Variants in SPIN1 observed in about 807,000 individuals in gnomAD.
SPIN1 encodes the protein spindlin-1.
In SPIN1, 3 loss-of-function variants were observed where a neutral mutation model predicts 26.0. That is an observed-to-expected ratio of 0.12 (90% confidence interval 0.05 to 0.30). The LOEUF (loss-of-function observed/expected upper bound fraction) is 0.30, where lower values mean the gene tolerates loss of function less well. SPIN1 is among the 10% of genes least tolerant of loss of function. The probability of loss-of-function intolerance (pLI) is 1.00; values close to 1 mark genes in which losing one functional copy is unlikely to be tolerated. For synonymous variants in SPIN1, 101 were observed against 116.5 expected (o/e 0.87, Z 0.86); for missense variants, 126 against 333.4 (o/e 0.38, Z 4.84).
chr9:88,426,330 A>G lies in SPIN1; in HGVS notation c.-158-52A>G, dbSNP rs143541836. ...TTTTATGTTTAATGGCTCACTAGGC[A>G]TAATTTTGCTCTCTTGATGCTCTAG... On this transcript the variant is annotated intron_variant, in intron 1 of 5. Transcript: ENST00000375859. 80 of 427,492 alleles carry G rather than the reference A, an allele frequency of 1.9e-4. No individual in the cohort carries two copies. The East Asian group carries it at 3.0e-3, about 16-fold the overall frequency. 26.5% of individuals were successfully genotyped at this position (427,492 alleles called of 1,614,324 possible). A position where few individuals can be genotyped will look rare whatever the true frequency, so the allele number is the denominator to read the frequency against.
intron 1 of SPIN1, among the ~76,000 whole-genome samples, chr9:88,399,180 C>T (rs547917751): frequency 7.9e-5 from 12 of 151,696 alleles, no homozygotes; most frequent in African/African-American, 2.7e-4. Context: ...TACAGGCGTG[C>T]GCCACCATGC....
rs10635542 is a variant in SPIN1 at position 88,414,030 on chromosome 9, CA to C, written c.-158-12339del. Among the ~76,000 whole-genome samples, 515 of 141,324 alleles carry C rather than the reference CA, an allele frequency of 3.6e-3. 3 individuals carry two copies. Among genetic ancestry groups the C allele is most frequent in the Admixed American group, 8.7e-3 (123 of 14,060 alleles). The allele number at this position is 141,324 out of a possible 152,430, so 92.7% of individuals were successfully genotyped here. A position where few individuals can be genotyped will look rare whatever the true frequency, so the allele number is the denominator to read the frequency against. ...GTCCAGTACTTATAGTTTATTATAGCAAAAAAAAAAAAATACAAATTAGGAC... is the reference window on the plus strand; with the variant it reads ...GTCCAGTACTTATAGTTTATTATAGCAAAAAAAAAAAATACAAATTAGGAC... On this transcript the variant is annotated intron_variant, in intron 1 of 5. Transcript: ENST00000375859.
At chr9:88,463,588 G>C (rs1216707785) in intron 4 of SPIN1, among the ~76,000 whole-genome samples, 2 of 152,176 alleles carry the variant, frequency 1.3e-5, no homozygotes, top group African/African-American at 4.8e-5. Context: ...TTTTTCTTCA[G>C]ACTGTGCCAT....
At chr9:88,398,049 C>T (rs1023567867) in intron 1 of SPIN1, among the ~76,000 whole-genome samples, 6 of 149,898 alleles carry the variant, frequency 4.0e-5, no homozygotes, top group East Asian at 4.0e-4. Context: ...CAGCCTCCCG[C>T]GTAGCTGAGA....
chr9:88,442,899 A>G (rs943567570), intron 2 of SPIN1, among the ~76,000 whole-genome samples: 2 of 151,744 alleles, frequency 1.3e-5, no homozygotes, highest in Non-Finnish European at 1.5e-5. Flanking sequence ...AGGCGGGCAA[A>G]TCACGAGGTC....
intron 3 of SPIN1, among the ~76,000 whole-genome samples, chr9:88,459,932 T>C (rs937867837): frequency 1.3e-5 from 2 of 152,246 alleles, no homozygotes; most frequent in African/African-American, 2.4e-5. Flanking sequence ...CTCTGTTGCC[T>C]TCTGGCATAG....
At chr9:88,436,948 G>T (rs868074795) in intron 2 of SPIN1, among the ~76,000 whole-genome samples, 1 of 151,302 alleles carries the variant, frequency 6.6e-6, no homozygotes, top group African/African-American at 2.4e-5. Flanking sequence ...TGTATTTTTA[G>T]TAGAGACGGG....
At chr9:88,448,380 C>G (rs770418359) in intron 2 of SPIN1, among the ~76,000 whole-genome samples, 6 of 152,064 alleles carry the variant, frequency 3.9e-5, no homozygotes, top group Non-Finnish European at 5.9e-5. Context: ...GAGACAAGGT[C>G]TTGCTCTGTC....
chr9:88,413,065 G>GTTT (rs148350918), intron 1 of SPIN1, among the ~76,000 whole-genome samples: 11 of 128,034 alleles, frequency 8.6e-5, no homozygotes, highest in Admixed American at 3.2e-4. Flanking sequence ...TTAAAATTAA[G>GTTT]TTTTTTTTTT....
chr9:88,449,195 C>T (rs1828310357), intron 3 of SPIN1, among the ~76,000 whole-genome samples: 1 of 151,882 alleles, frequency 6.6e-6, no homozygotes, highest in South Asian at 2.1e-4. Flanking sequence ...CAGGTCTACC[C>T]TTCAGCCTTT....
At chr9:88,446,675 T>C (rs1828258393) in intron 2 of SPIN1, among the ~76,000 whole-genome samples, 1 of 152,200 alleles carries the variant, frequency 6.6e-6, no homozygotes, top group African/African-American at 2.4e-5. Context: ...CCCAAAGTGC[T>C]GGGATTACAG....
At chr9:88,461,481 A>C (rs1281383452) in intron 3 of SPIN1, among the ~76,000 whole-genome samples, 2 of 152,218 alleles carry the variant, frequency 1.3e-5, no homozygotes, top group South Asian at 2.1e-4. Context: ...ACCAGTCTAG[A>C]GTAAATTATT....
chr9:88,467,866 A>C (rs1390558783), intron 4 of SPIN1, among the ~76,000 whole-genome samples: 4 of 151,542 alleles, frequency 2.6e-5, no homozygotes, highest in Non-Finnish European at 5.9e-5. Flanking sequence ...AACAAAAAAA[A>C]AACCCTCTGT....
chr9:88,464,885 C>T (rs1023516171), intron 4 of SPIN1, among the ~76,000 whole-genome samples: 9 of 152,174 alleles, frequency 5.9e-5, no homozygotes, highest in African/African-American at 2.2e-4. Flanking sequence ...CTGAAACTCT[C>T]TACCTATTAA....
At chr9:88,467,975 A>G (rs1221591894) in intron 4 of SPIN1, among the ~76,000 whole-genome samples, 4 of 152,136 alleles carry the variant, frequency 2.6e-5, no homozygotes, top group South Asian at 4.1e-4. Context: ...GAACTCTACT[A>G]TTTTTCCAGT....
intron 1 of SPIN1, chr9:88,391,908 T>G (rs957465379): frequency 2.6e-5 from 4 of 152,190 alleles, no homozygotes; most frequent in Non-Finnish European, 5.9e-5. Context: ...GCTCTCAAAT[T>G]GCTACAAGGT....
intron 1 of SPIN1, among the ~76,000 whole-genome samples, chr9:88,406,650 A>G (rs994636494): frequency 2.0e-5 from 3 of 152,162 alleles, no homozygotes; most frequent in Admixed American, 6.6e-5. Flanking sequence ...GCATCTGTCT[A>G]TTGGCATTTG....
Position 88,468,529 on chromosome 9 carries a change from G to A in SPIN1, c.513G>A (p.Glu171=), listed in dbSNP as rs1828715928. ...VMNTWFYITY[E]KDPVLYMYQL... is the part of the protein sequence containing the mutation. The stretch of plus-strand genomic sequence containing the variant: ...ACACATGGTTTTACATTACCTATGA[G>A]AAAGACCCTGTCTTGTACATGTACC... The change falls in exon 5 of 6, where the codon GAG becomes GAA. Residue 171 remains glutamate, a synonymous_variant. Coordinates refer to ENST00000375859, the MANE Select transcript of SPIN1 (RefSeq NM_006717.3). 6.2e-7 allele frequency: 1 copy of A among 1,612,864 alleles called. No homozygotes were observed. Among genetic ancestry groups the A allele is most frequent in the African/African-American group, 1.3e-5 (1 of 74,932 alleles).
intron 1 of SPIN1, among the ~76,000 whole-genome samples, chr9:88,409,056 C>G (rs1037735431): frequency 6.6e-6 from 1 of 150,416 alleles, no homozygotes; most frequent in African/African-American, 2.5e-5. Flanking sequence ...AGTGCAATGG[C>G]GTGATCTCGG....
Sources: allele counts gnomAD v4.1 joint callset (sites outside exome capture counted in the v4.1 genomes callset), GRCh38; gene constraint gnomAD v4.1.1; transcripts MANE v1.5; gene names NCBI Gene and HGNC (gene_info 2026-07-23, HGNC 2026-07-21).